Variants in TACR3 observed in about 807,000 individuals in gnomAD.
TACR3 encodes tachykinin receptor 3.
A neutral mutation model predicts 35.0 loss-of-function variants in TACR3; 34 were observed. That is an observed-to-expected ratio of 0.97 (90% confidence interval 0.74 to 1.30). The LOEUF (loss-of-function observed/expected upper bound fraction) is 1.30, where lower values mean the gene tolerates loss of function less well. Among genes scored for constraint, TACR3 ranks in the 50% most tolerant of loss-of-function variants. TACR3 has a pLI of 0.00. For synonymous variants in TACR3, 233 were observed against 221.1 expected (o/e 1.05, Z -0.48); for missense variants, 558 against 591.7 (o/e 0.94, Z 0.59).
In TACR3 at chr4:103,688,239, C is replaced by A. The variant is rs565520655; in HGVS notation, c.549-29836G>T. ...GATCCCTTCCTTACACCCTATACAA[C>A]AATCAATTCAAGATGGATTAAAGAC... On this transcript the variant is annotated intron_variant, in intron 1 of 4. Transcript: ENST00000304883. 7.3e-3 allele frequency among the ~76,000 whole-genome samples: 1,107 copies of A among 151,898 alleles called. 15 individuals carry two copies. The highest frequency in any genetic ancestry group is 0.025 in the African/African-American group (1,052 of 41,292).
At chr4:103,619,346 C>G (rs184314918) in intron 3 of TACR3, among the ~76,000 whole-genome samples, 1 of 152,116 alleles carries the variant, frequency 6.6e-6, no homozygotes, top group Non-Finnish European at 1.5e-5. Flanking sequence ...CCTGCCACCA[C>G]GCCTGGCTAA....
At chr4:103,646,844 G>A (rs1250707427) in intron 3 of TACR3, among the ~76,000 whole-genome samples, 1 of 151,934 alleles carries the variant, frequency 6.6e-6, no homozygotes, top group Non-Finnish European at 1.5e-5. Context: ...CTGTAAATAA[G>A]ATGCTAACTC....
intron 1 of TACR3, among the ~76,000 whole-genome samples, chr4:103,717,154 GT>G (rs1287101394): frequency 6.6e-6 from 1 of 151,942 alleles, no homozygotes; most frequent in Non-Finnish European, 1.5e-5. Context: ...TCTATTGAGA[GT>G]TTTAATAATT....
In TACR3 at chr4:103,589,611, A is replaced by G; in HGVS notation, c.*71T>C. The G allele has an allele frequency of 6.3e-7, 1 of 1,581,412 alleles. No individual in the cohort carries two copies. The highest frequency in any genetic ancestry group is 2.2e-5 in the East Asian group (1 of 44,552). ...AGAGGGTATATAGGACAGGACTGGT[A>G]AATAGGAGAATGGGGTCCTAGACTG... is the stretch of plus-strand genomic sequence containing the variant. On this transcript the variant is annotated 3_prime_UTR_variant, in exon 5 of 5. Coordinates refer to ENST00000304883, the MANE Select transcript of TACR3 (RefSeq NM_001059.3).
chr4:103,602,633 TG>T (rs113923182), intron 3 of TACR3, among the ~76,000 whole-genome samples: 1,881 of 152,320 alleles, frequency 0.012, 39 homozygotes, highest in African/African-American at 0.043. Flanking sequence ...GCAGGTCTGT[TG>T]GAGTTTGCCT....
At chr4:103,713,893 A>G (rs899083288) in intron 1 of TACR3, among the ~76,000 whole-genome samples, 61 of 152,182 alleles carry the variant, frequency 4.0e-4, no homozygotes, top group Non-Finnish European at 2.2e-4. Context: ...TGAGACTTCT[A>G]GGCAGTAGCC....
rs531801446 is a variant in TACR3 at position 103,702,650 on chromosome 4, C to A, written c.548+16478G>T. ...ACAATAGCAAAGACTTGGAACCAACCCAAATGTCAAACAATGATGGACTGG... is the reference window on the plus strand; with the variant it reads ...ACAATAGCAAAGACTTGGAACCAACACAAATGTCAAACAATGATGGACTGG... On this transcript the variant is annotated intron_variant, in intron 1 of 4. Transcript: ENST00000304883. Among the ~76,000 whole-genome samples the A allele has an allele frequency of 6.6e-5, 10 of 151,962 alleles. No individual in the cohort carries two copies. The East Asian group carries it at 1.9e-3, about 29-fold the overall frequency.
chr4:103,611,594 T>C (rs949985630), intron 3 of TACR3, among the ~76,000 whole-genome samples: 5 of 152,200 alleles, frequency 3.3e-5, no homozygotes, highest in South Asian at 2.1e-4. Context: ...CTGTACATAT[T>C]GGAGGTGCCA....
intron 3 of TACR3, among the ~76,000 whole-genome samples, chr4:103,618,739 T>G (rs1392052634): frequency 6.6e-6 from 1 of 152,114 alleles, no homozygotes; most frequent in African/African-American, 2.4e-5. Context: ...CATGAGATGC[T>G]TTTTATTTAT....
intron 3 of TACR3, among the ~76,000 whole-genome samples, chr4:103,620,801 G>A (rs1724758184): frequency 6.6e-6 from 1 of 152,132 alleles, no homozygotes; most frequent in South Asian, 2.1e-4. Context: ...ACACCTGGGG[G>A]ATGTGGATTC....
chr4:103,660,669 C>T (rs1288456938), intron 1 of TACR3, among the ~76,000 whole-genome samples: 1 of 151,792 alleles, frequency 6.6e-6, no homozygotes, highest in Non-Finnish European at 1.5e-5. Flanking sequence ...TAAATATGTG[C>T]ATTTTTTGTA....
chr4:103,707,491 T>A (rs1314798943), intron 1 of TACR3, among the ~76,000 whole-genome samples: 2 of 152,182 alleles, frequency 1.3e-5, no homozygotes, highest in African/African-American at 4.8e-5. Flanking sequence ...TTCTTATGTG[T>A]CTATAATTCA....
chr4:103,656,064 TAAAAC>T (rs771388656), intron 3 of TACR3, 125 bp downstream of exon 3: 69 of 1,190,380 alleles, frequency 5.8e-5, no homozygotes, highest in South Asian at 2.9e-4. Flanking sequence ...GAAAAAAAAT[TAAAAC>T]AAAGACATTA....
chr4:103,680,237 A>T (rs1403938504), intron 1 of TACR3, among the ~76,000 whole-genome samples: 2 of 151,646 alleles, frequency 1.3e-5, no homozygotes, highest in Non-Finnish European at 2.9e-5. Flanking sequence ...TTTTATTGTT[A>T]GCAAGTAGAA....
chr4:103,610,355 G>A (rs1724486429), intron 3 of TACR3, among the ~76,000 whole-genome samples: 1 of 151,826 alleles, frequency 6.6e-6, no homozygotes, highest in Non-Finnish European at 1.5e-5. Context: ...ATTCTAATTT[G>A]TGTTTCTCTA....
intron 3 of TACR3, among the ~76,000 whole-genome samples, chr4:103,636,665 G>T (rs1232498728): frequency 1.3e-5 from 2 of 151,834 alleles, no homozygotes; most frequent in Admixed American, 1.3e-4. Flanking sequence ...TTTTTGAAAA[G>T]ATCAACAAAA....
intron 3 of TACR3, among the ~76,000 whole-genome samples, chr4:103,637,423 T>C (rs1052016962): frequency 6.6e-6 from 1 of 152,142 alleles, no homozygotes; most frequent in Non-Finnish European, 1.5e-5. Context: ...AAATTAGGTA[T>C]TGATGGGACG....
chr4:103,620,790 C>A (rs757769455), intron 3 of TACR3, among the ~76,000 whole-genome samples: 7 of 152,130 alleles, frequency 4.6e-5, no homozygotes, highest in Non-Finnish European at 7.3e-5. Flanking sequence ...GCACTATGCT[C>A]ACACCTGGGG....
chr4:103,645,726 C>T (rs768652661), intron 3 of TACR3, among the ~76,000 whole-genome samples: 5 of 151,926 alleles, frequency 3.3e-5, no homozygotes, highest in Non-Finnish European at 7.4e-5. Context: ...GGAGAAAAGG[C>T]AAATATCCAT....
Sources: allele counts gnomAD v4.1 joint callset (sites outside exome capture counted in the v4.1 genomes callset), GRCh38; gene constraint gnomAD v4.1.1; transcripts MANE v1.5; gene names NCBI Gene and HGNC (gene_info 2026-07-23, HGNC 2026-07-21).